IL1RAPL1: variants seen among roughly 807,000 people sequenced by gnomAD.
IL1RAPL1 encodes the protein interleukin 1 receptor accessory protein like 1.
IL1RAPL1 carries 3 observed loss-of-function variants against 48.4 expected under a neutral mutation model. That is an observed-to-expected ratio of 0.06 (90% CI 0.03 to 0.16). The LOEUF (loss-of-function observed/expected upper bound fraction) is 0.16. Ranked by LOEUF, IL1RAPL1 falls within the 10% of genes least tolerant of loss-of-function variation. The pLI, the probability that IL1RAPL1 is intolerant of heterozygous loss-of-function variation, is 1.00. For synonymous variants in IL1RAPL1, 185 were observed against 187.7 expected, an observed-to-expected ratio of 0.99 and a Z score of 0.12; for missense variants, 349 against 530.6, an observed-to-expected ratio of 0.66 and a Z score of 3.36.
At position 29,955,571 on chromosome X, in the gene IL1RAPL1, G is replaced by A. The variant is rs1427946626; in HGVS notation, c.1842G>A (p.Thr614=). The A allele has an allele frequency of 2.5e-6, 3 of 1,205,785 alleles. No homozygotes were observed. The highest frequency in any genetic ancestry group is 3.4e-6 in the Non-Finnish European group (3 of 891,950). Residue 614 remains threonine, a synonymous_variant, in exon 11 of 11, where the codon ACG becomes ACA. Coordinates refer to ENST00000378993, the MANE Select transcript of IL1RAPL1 (RefSeq NM_014271.4). ...ATCTCCGTTCTACCTTTCACAACACGTACCATTCACAAATGCGTCAGAAAC... is the reference window on the plus strand; with the variant it reads ...ATCTCCGTTCTACCTTTCACAACACATACCATTCACAAATGCGTCAGAAAC... The part of the protein sequence containing the change: ...HPDLRSTFHN[T]YHSQMRQKHY...
At chrX:28,748,385 C>T (rs906980949) in intron 1 of IL1RAPL1, among the ~76,000 whole-genome samples, 1 of 111,615 alleles carries the variant, frequency 9.0e-6, no homozygotes, top group Non-Finnish European at 1.9e-5. Context: ...TTTTTAAAAA[C>T]AATCCCCATC....
chrX:29,129,747 A>T (rs1928981133), intron 2 of IL1RAPL1, among the ~76,000 whole-genome samples: 1 of 109,115 alleles, frequency 9.2e-6, no homozygotes, highest in Non-Finnish European at 1.9e-5. Flanking sequence ...GGCACCTGCC[A>T]CCACGTCCAG....
chrX:29,309,737 C>T lies in IL1RAPL1; in HGVS notation c.362+26520C>T, dbSNP rs758382532. ...CTTAGGCAGGAGAATCACTTGAACA[C>T]AGGGGCGGAGGTTGCAATGAGCTGA... On this transcript the variant is annotated intron_variant, in intron 3 of 10. Coordinates refer to ENST00000378993, the MANE Select transcript of IL1RAPL1 (RefSeq NM_014271.4). Among the ~76,000 whole-genome samples, 13 of 108,142 alleles carry T rather than the reference C, an allele frequency of 1.2e-4. No homozygotes were observed. In the South Asian group the frequency reaches 5.3e-3, roughly 44 times the overall value. The allele number at this position is 108,142 out of a possible 115,157, so 93.9% of individuals were successfully genotyped here. A position where few individuals can be genotyped will look rare whatever the true frequency, so the allele number is the denominator to read the frequency against.
intron 2 of IL1RAPL1, among the ~76,000 whole-genome samples, chrX:29,223,630 C>T (rs773186068): frequency 9.2e-6 from 1 of 108,173 alleles, no homozygotes; most frequent in Admixed American, 9.9e-5. Context: ...CTGCAACTTC[C>T]GCCTCCCCGG....
In IL1RAPL1 at chrX:29,168,669, T is replaced by TATTCATATATACA. The variant is rs1929840183; in HGVS notation, c.83-114266_83-114265insCATATATACAATT. ...ATGTATTGTATATGTATTGTATATA[T>TATTCATATATACA]ATTGTATATATATTCATATGTACAA... On this transcript the variant is annotated intron_variant, in intron 2 of 10. Coordinates refer to ENST00000378993, the MANE Select transcript of IL1RAPL1 (RefSeq NM_014271.4). Among the ~76,000 whole-genome samples, 2 of 96,204 alleles carry TATTCATATATACA rather than the reference T, an allele frequency of 2.1e-5. 1 individual carries two copies. The highest frequency in any genetic ancestry group is 4.1e-5 in the Non-Finnish European group (2 of 48,884). 83.5% of individuals were successfully genotyped at this position (96,204 alleles called of 115,157 possible). A position where few individuals can be genotyped will look rare whatever the true frequency, so the allele number is the denominator to read the frequency against.
intron 1 of IL1RAPL1, among the ~76,000 whole-genome samples, chrX:28,772,799 T>C (rs1453433188): frequency 8.9e-6 from 1 of 111,740 alleles, no homozygotes; most frequent in African/African-American, 3.3e-5. Context: ...GAACAATTTA[T>C]TGGTACATTT....
intron 6 of IL1RAPL1, among the ~76,000 whole-genome samples, chrX:29,823,399 A>G (rs1202286162): frequency 8.9e-6 from 1 of 112,142 alleles, no homozygotes; most frequent in Non-Finnish European, 1.9e-5. Flanking sequence ...TGTTACTCTA[A>G]AATAACATTA....
chrX:28,707,917 G>A (rs773852852), intron 1 of IL1RAPL1, among the ~76,000 whole-genome samples: 59 of 111,970 alleles, frequency 5.3e-4, no homozygotes, highest in Non-Finnish European at 9.8e-4. Flanking sequence ...AATGAGATGC[G>A]TGTGGATAAA....
intron 2 of IL1RAPL1, among the ~76,000 whole-genome samples, chrX:29,171,339 G>C (rs780383804): frequency 3.6e-5 from 4 of 111,525 alleles, no homozygotes; most frequent in Admixed American, 9.6e-5. Flanking sequence ...ACAGACACCA[G>C]AATTAAAATG....
chrX:28,975,049 C>G (rs1289345671), intron 2 of IL1RAPL1, among the ~76,000 whole-genome samples: 2 of 112,107 alleles, frequency 1.8e-5, no homozygotes, highest in Non-Finnish European at 3.8e-5. Flanking sequence ...AGTCAACTTG[C>G]ATTCAAGTAA....
chrX:29,506,625 A>G (rs372587060), intron 5 of IL1RAPL1, among the ~76,000 whole-genome samples: 47 of 110,644 alleles, frequency 4.2e-4, no homozygotes, highest in African/African-American at 1.5e-3. Flanking sequence ...TTGCAGTACT[A>G]TGGGAAGGCT....
At chrX:28,778,658 C>T (rs900572240) in intron 1 of IL1RAPL1, among the ~76,000 whole-genome samples, 3 of 111,853 alleles carry the variant, frequency 2.7e-5, no homozygotes, top group Non-Finnish European at 5.7e-5. Flanking sequence ...TTTAGCTAGT[C>T]AGGTTCATCC....
chrX:29,219,180 A>G (rs1238328564), intron 2 of IL1RAPL1, among the ~76,000 whole-genome samples: 1 of 112,315 alleles, frequency 8.9e-6, no homozygotes, highest in African/African-American at 3.2e-5. Flanking sequence ...ATTGGGAAAT[A>G]AGTGAAATGT....
At chrX:29,802,931 ATG>A (rs72085650) in intron 6 of IL1RAPL1, among the ~76,000 whole-genome samples, 1,161 of 52,483 alleles carry the variant, frequency 0.022, 172 homozygotes, top group East Asian at 0.028. Context: ...ATATACATAT[ATG>A]TGTACATATG....
At chrX:29,730,643 T>A (rs1312427207) in intron 6 of IL1RAPL1, among the ~76,000 whole-genome samples, 1 of 112,195 alleles carries the variant, frequency 8.9e-6, no homozygotes. Context: ...AGAATTATAG[T>A]CTTCAGGGCC....
intron 6 of IL1RAPL1, among the ~76,000 whole-genome samples, chrX:29,723,888 C>A (rs756158802): frequency 1.8e-5 from 2 of 111,271 alleles, no homozygotes; most frequent in Non-Finnish European, 3.8e-5. Flanking sequence ...GATCTGAGCT[C>A]ACTGCAACCT....
intron 1 of IL1RAPL1, among the ~76,000 whole-genome samples, chrX:28,683,154 A>G (rs1479977847): frequency 1.8e-5 from 2 of 111,344 alleles, no homozygotes; most frequent in Non-Finnish European, 3.8e-5. Context: ...CTTCCTGTGT[A>G]TTTTGAGACC....
chrX:28,931,754 T>C (rs1483392647), intron 2 of IL1RAPL1, among the ~76,000 whole-genome samples: 1 of 111,726 alleles, frequency 9.0e-6, no homozygotes, highest in East Asian at 2.8e-4. Flanking sequence ...ATATTTAAAA[T>C]AGGCCAGGTG....
intron 3 of IL1RAPL1, among the ~76,000 whole-genome samples, chrX:29,393,016 C>T (rs1010255651): frequency 3.5e-4 from 39 of 111,981 alleles, no homozygotes; most frequent in African/African-American, 1.2e-3. Flanking sequence ...GTTCTAAGCT[C>T]TTTATGAGTT....
Sources: allele counts gnomAD v4.1 joint callset (sites outside exome capture counted in the v4.1 genomes callset), GRCh38; gene constraint gnomAD v4.1.1; transcripts MANE v1.5; gene names NCBI Gene and HGNC (gene_info 2026-07-23, HGNC 2026-07-21).